The following CCSER1 variants were observed in gnomAD, a reference collection of about 807,000 sequenced individuals.
CCSER1 encodes the protein coiled-coil serine rich protein 1, also known as serine-rich coiled-coil domain-containing protein 1.
CCSER1 carries 41 observed loss-of-function variants against 82.0 expected under a neutral mutation model. The observed-to-expected ratio is 0.50, with a 90% confidence interval of 0.39 to 0.65. The LOEUF is 0.65. Among genes scored for constraint, CCSER1 ranks in the 30% least tolerant of loss-of-function variants. The probability of loss-of-function intolerance (pLI) is 0.00; values close to 1 mark genes in which losing one functional copy is unlikely to be tolerated. For missense variants in CCSER1, 1,119 were observed against 1,064.2 expected, an observed-to-expected ratio of 1.05 and a Z score of -0.72; for synonymous variants, 414 against 383.9, an observed-to-expected ratio of 1.08 and a Z score of -0.92.
chr4:90,314,929 C>T (rs1209990875), intron 3 of CCSER1, among the ~76,000 whole-genome samples: 2 of 145,858 alleles, frequency 1.4e-5, no homozygotes, highest in Non-Finnish European at 3.0e-5. Flanking sequence ...TCACTGCAAC[C>T]TCTACCTCCC....
chr4:90,966,959 A>G (rs1042691909), intron 9 of CCSER1, among the ~76,000 whole-genome samples: 4 of 152,114 alleles, frequency 2.6e-5, no homozygotes, highest in African/African-American at 9.7e-5. Flanking sequence ...TTGAAAATGA[A>G]AAACAAAATT....
intron 7 of CCSER1, among the ~76,000 whole-genome samples, chr4:90,812,049 A>G (rs866899787): frequency 6.6e-6 from 1 of 151,472 alleles, no homozygotes; most frequent in African/African-American, 2.4e-5. Context: ...AAGGTCCACA[A>G]TAGGCCATCT....
intron 3 of CCSER1, among the ~76,000 whole-genome samples, chr4:90,332,254 G>GTT (rs553773315): frequency 5.5e-5 from 8 of 144,726 alleles, no homozygotes; most frequent in Admixed American, 1.4e-4. Context: ...TTGAGATGGA[G>GTT]TTTTTTTTTT....
intron 6 of CCSER1, among the ~76,000 whole-genome samples, chr4:90,651,510 AT>A (rs1337907273): frequency 6.6e-6 from 1 of 152,128 alleles, no homozygotes; most frequent in African/African-American, 2.4e-5. Flanking sequence ...GGACACAGGG[AT>A]GGGAACATCA....
At chr4:91,143,521 T>A (rs1453449995) in intron 10 of CCSER1, among the ~76,000 whole-genome samples, 1 of 152,222 alleles carries the variant, frequency 6.6e-6, no homozygotes, top group Non-Finnish European at 1.5e-5. Context: ...CTATGTTGAA[T>A]AGGAGTGATG....
At chr4:90,965,102 A>G (rs370474164) in intron 9 of CCSER1, among the ~76,000 whole-genome samples, 6 of 152,056 alleles carry the variant, frequency 3.9e-5, no homozygotes, top group African/African-American at 1.5e-4. Context: ...ACTTGTTTTT[A>G]TTTGAACTCA....
intron 1 of CCSER1, among the ~76,000 whole-genome samples, chr4:90,166,774 G>A (rs1001364741): frequency 6.6e-6 from 1 of 151,838 alleles, no homozygotes; most frequent in African/African-American, 2.4e-5. Flanking sequence ...TCAAATATCA[G>A]CTTTAAAAAC....
intron 5 of CCSER1, among the ~76,000 whole-genome samples, chr4:90,566,794 G>A (rs1302963592): frequency 6.6e-6 from 1 of 151,778 alleles, no homozygotes; most frequent in African/African-American, 2.4e-5. Context: ...AGTAGAGACG[G>A]GGTTTCACCG....
intron 10 of CCSER1, among the ~76,000 whole-genome samples, chr4:91,277,526 CTTT>C (rs552319172): frequency 9.0e-5 from 9 of 99,990 alleles, no homozygotes; most frequent in Non-Finnish European, 1.5e-4. Context: ...CCATTTTGTC[CTTT>C]TTTTTTTTTT....
rs553769159 is a variant in CCSER1, at chr4:90,717,513, A to C, written c.1933-6401A>C. Among the ~76,000 whole-genome samples the C allele has an allele frequency of 2.8e-4, 42 of 152,248 alleles. 2 individuals are homozygous for C. The South Asian group carries it at 8.3e-3, about 30-fold the overall frequency. On this transcript the variant is annotated intron_variant, in intron 6 of 10. Transcript: ENST00000509176. Reference sequence around the variant, plus strand: ...ATCGCTCTTGTTTTGGTTTACTGCTAAAACAACAAACACTGAGGCATGGAA... The same window carrying C: ...ATCGCTCTTGTTTTGGTTTACTGCTCAAACAACAAACACTGAGGCATGGAA...
chr4:90,335,279 T>C (rs1420510144), intron 3 of CCSER1, among the ~76,000 whole-genome samples: 4 of 152,134 alleles, frequency 2.6e-5, no homozygotes, highest in African/African-American at 9.7e-5. Context: ...TGACAGAAAA[T>C]AAAAGTGCCA....
At chr4:90,690,267 A>C (rs957349261) in intron 6 of CCSER1, among the ~76,000 whole-genome samples, 1 of 152,110 alleles carries the variant, frequency 6.6e-6, no homozygotes, top group African/African-American at 2.4e-5. Context: ...GATGGTAAGC[A>C]TGGGAGGTCA....
chr4:91,183,108 A>C (rs1734201617), intron 10 of CCSER1, among the ~76,000 whole-genome samples: 1 of 152,236 alleles, frequency 6.6e-6, no homozygotes, highest in African/African-American at 2.4e-5. Flanking sequence ...GTGATGTAAA[A>C]TGGGTGCATT....
chr4:90,830,272 T>G (rs1031111220), intron 8 of CCSER1, among the ~76,000 whole-genome samples: 3 of 152,206 alleles, frequency 2.0e-5, no homozygotes, highest in Non-Finnish European at 2.9e-5. Context: ...ACCTCACCCT[T>G]GGCCGTAATT....
chr4:91,018,152 C>T (rs921977892), intron 9 of CCSER1, among the ~76,000 whole-genome samples: 21 of 151,978 alleles, frequency 1.4e-4, no homozygotes, highest in African/African-American at 4.3e-4. Context: ...ATTAATACTT[C>T]GCACAATTCT....
chr4:90,660,841 G>C (rs1177820044), intron 6 of CCSER1, among the ~76,000 whole-genome samples: 1 of 152,118 alleles, frequency 6.6e-6, no homozygotes, highest in Non-Finnish European at 1.5e-5. Flanking sequence ...ATATTTGATG[G>C]ATTTCGCAAT....
chr4:90,251,287 T>C (rs6832140), intron 1 of CCSER1, among the ~76,000 whole-genome samples: 6,793 of 151,984 alleles, frequency 0.045, 390 homozygotes, highest in African/African-American at 0.13. Context: ...TATGATGATA[T>C]TGAACAGTCT....
At chr4:91,260,811 C>T (rs543574577) in intron 10 of CCSER1, among the ~76,000 whole-genome samples, 1 of 152,018 alleles carries the variant, frequency 6.6e-6, no homozygotes, top group East Asian at 1.9e-4. Flanking sequence ...CCCAGGCTAG[C>T]GTGCAATGGC....
At chr4:91,249,214 T>C (rs1301315251) in intron 10 of CCSER1, among the ~76,000 whole-genome samples, 1 of 152,172 alleles carries the variant, frequency 6.6e-6, no homozygotes, top group Non-Finnish European at 1.5e-5. Context: ...TTGGTTCACA[T>C]TTTAAGCCAT....
Sources: allele counts gnomAD v4.1 joint callset (sites outside exome capture counted in the v4.1 genomes callset), GRCh38; gene constraint gnomAD v4.1.1; transcripts MANE v1.5; gene names NCBI Gene and HGNC (gene_info 2026-07-23, HGNC 2026-07-21).